SPON1: variants seen among roughly 807,000 people sequenced by gnomAD.
SPON1 encodes the protein spondin 1.
In SPON1, 52 loss-of-function variants were observed where a neutral mutation model predicts 111.7. That is an observed-to-expected ratio of 0.47 (90% CI 0.37 to 0.59). The LOEUF (loss-of-function observed/expected upper bound fraction) is 0.59, where lower values mean the gene tolerates loss of function less well. Among genes scored for constraint, SPON1 ranks in the 20% least tolerant of loss-of-function variants. SPON1 has a pLI of 0.00. For missense variants in SPON1, 957 were observed against 1,068.5 expected, an observed-to-expected ratio of 0.90 and a Z score of 1.46; for synonymous variants, 410 against 395.8, an observed-to-expected ratio of 1.04 and a Z score of -0.43.
chr11:14,094,352 T>C (rs1013154830), intron 5 of SPON1, among the ~76,000 whole-genome samples: 46 of 152,294 alleles, frequency 3.0e-4, no homozygotes, highest in Admixed American at 1.3e-4. Context: ...CTTTTGGCCC[T>C]TGATACATCT....
intron 4 of SPON1, among the ~76,000 whole-genome samples, chr11:14,079,365 T>C (rs1050006308): frequency 1.1e-4 from 17 of 152,244 alleles, no homozygotes; most frequent in African/African-American, 4.1e-4. Context: ...CGTGATTATA[T>C]ATGCATGCCT....
At chr11:14,061,932 A>G (rs1554919916) in intron 3 of SPON1, among the ~76,000 whole-genome samples, 1 of 152,242 alleles carries the variant, frequency 6.6e-6, no homozygotes. Context: ...GCAGGCTTGC[A>G]TGTGGTCTTA....
At chr11:13,983,008 C>T in intron 2 of SPON1, 55 bp downstream of exon 2, 1 of 1,246,798 alleles carries the variant, frequency 8.0e-7, no homozygotes, top group Non-Finnish European at 1.1e-6. Context: ...GAGGTAGAGG[C>T]TGGAGAGGTA....
Position 13,982,946 on chromosome 11 carries a change from C to T in SPON1, c.338C>T (p.Thr113Ile). The T allele has an allele frequency of 6.5e-7, 1 of 1,550,104 alleles. No individual in the cohort carries two copies. The highest frequency in any genetic ancestry group is 8.7e-7 in the Non-Finnish European group (1 of 1,144,424). ...EGDKEEDHAG[T>I]FQIIDEEETQ... is the part of the protein sequence containing the mutation. ...GATAAGGAAGAAGACCATGCTGGGA[C>T]CTTCCAGGTAAGACCCTGCCTGGGC... is the stretch of plus-strand genomic sequence containing the variant. The change falls in exon 2 of 16, where the codon ACC becomes ATC. Residue 113 changes from threonine (T) to isoleucine (I), a missense_variant. Around this residue, in one of 5 missense-constraint regions of SPON1, gnomAD observed 262 missense variants for 253.9 expected, o/e 1.03. Transcript: ENST00000576479.
chr11:14,072,844 C>T (rs1848887562), intron 3 of SPON1, among the ~76,000 whole-genome samples: 3 of 152,070 alleles, frequency 2.0e-5, no homozygotes. Context: ...CATCTTAGTC[C>T]TCTGGGCACA....
At chr11:14,102,769 CA>C (rs1348313397) in intron 5 of SPON1, among the ~76,000 whole-genome samples, 1 of 152,168 alleles carries the variant, frequency 6.6e-6, no homozygotes, top group Admixed American at 6.5e-5. Flanking sequence ...TAATTAGATT[CA>C]GGTTGTGCAT....
chr11:14,005,471 C>T (rs1554912998), intron 2 of SPON1, among the ~76,000 whole-genome samples: 1 of 152,166 alleles, frequency 6.6e-6, no homozygotes, highest in Non-Finnish European at 1.5e-5. Context: ...GTACCATCTG[C>T]GTGATAATGA....
chr11:14,012,939 T>C (rs1848417117), intron 2 of SPON1, among the ~76,000 whole-genome samples: 1 of 152,208 alleles, frequency 6.6e-6, no homozygotes, highest in Non-Finnish European at 1.5e-5. Flanking sequence ...TATTTACATA[T>C]TCTGCCTTAC....
At chr11:14,256,819 T>C (rs1554941273) in intron 10 of SPON1, 127 bp downstream of exon 10, 1 of 713,278 alleles carries the variant, frequency 1.4e-6, no homozygotes, top group Non-Finnish European at 2.4e-6. Context: ...TCTCTGAGGA[T>C]TTCTCCTCAA....
intron 3 of SPON1, among the ~76,000 whole-genome samples, chr11:14,043,620 G>A (rs978779956): frequency 6.6e-5 from 10 of 152,180 alleles, no homozygotes; most frequent in Admixed American, 5.9e-4. Context: ...CACAGAGCCT[G>A]GAGCTCTAAA....
intron 2 of SPON1, among the ~76,000 whole-genome samples, chr11:14,023,061 G>C (rs76793469): frequency 0.011 from 1,686 of 152,268 alleles, 29 homozygotes; most frequent in African/African-American, 0.039. Flanking sequence ...GAGGTGGAGG[G>C]AGCTCTGCTT....
intron 6 of SPON1, among the ~76,000 whole-genome samples, chr11:14,154,895 G>A (rs1564917314): frequency 6.6e-6 from 1 of 152,126 alleles, no homozygotes; most frequent in Non-Finnish European, 1.5e-5. Context: ...AAATTTCTAA[G>A]ATAAAATTTC....
At chr11:14,178,074 A>ACACACACACACACG (rs1380780129) in intron 6 of SPON1, among the ~76,000 whole-genome samples, 9 of 150,938 alleles carry the variant, frequency 6.0e-5, no homozygotes, top group African/African-American at 2.0e-4. Flanking sequence ...ACACACACAC[A>ACACACACACACACG]CGCTTTGGTC....
chr11:14,066,301 G>A (rs1591366099), intron 3 of SPON1, among the ~76,000 whole-genome samples: 1 of 152,162 alleles, frequency 6.6e-6, no homozygotes, highest in South Asian at 2.1e-4. Flanking sequence ...CCAGGCTCAG[G>A]GATTAGACAA....
rs576893827 is a variant in SPON1 at position 14,007,385 on chromosome 11, T to C, written c.345+24432T>C. Among the ~76,000 whole-genome samples, 19 of 152,288 alleles carry C rather than the reference T, an allele frequency of 1.2e-4. No individual in the cohort carries two copies. The East Asian group carries it at 2.3e-3, about 19-fold the overall frequency. ...AGTCCAAGTCCCAAAACTGAAGAAC[T>C]TGGAGTCTGATGTTCAAGGATAGGA... On this transcript the variant is annotated intron_variant, in intron 2 of 15. Coordinates refer to ENST00000576479, the MANE Select transcript of SPON1 (RefSeq NM_006108.4).
At chr11:14,143,552 C>A (rs1218328843) in intron 6 of SPON1, among the ~76,000 whole-genome samples, 1 of 136,806 alleles carries the variant, frequency 7.3e-6, no homozygotes, top group African/African-American at 2.6e-5. Flanking sequence ...CAGAGTCAGA[C>A]CCTGTTTCCA....
At chr11:14,126,136 A>C (rs1252630577) in intron 5 of SPON1, among the ~76,000 whole-genome samples, 13 of 152,210 alleles carry the variant, frequency 8.5e-5, no homozygotes, top group African/African-American at 3.1e-4. Flanking sequence ...TAGGGAGAGC[A>C]GTCTGTTTTA....
chr11:14,116,719 A>T (rs554320892), intron 5 of SPON1, among the ~76,000 whole-genome samples: 1 of 152,252 alleles, frequency 6.6e-6, no homozygotes, highest in South Asian at 2.1e-4. Flanking sequence ...GCATTTCTGC[A>T]TAAATGTTAG....
intron 2 of SPON1, among the ~76,000 whole-genome samples, chr11:14,036,947 A>G (rs1057207492): frequency 1.3e-5 from 2 of 152,132 alleles, no homozygotes; most frequent in Middle Eastern, 3.2e-3. Flanking sequence ...TGGTAGTGCA[A>G]TGTGGCCTGA....
Sources: allele counts gnomAD v4.1 joint callset (sites outside exome capture counted in the v4.1 genomes callset), GRCh38; gene constraint gnomAD v4.1.1; regional missense constraint gnomAD v4.1.1; transcripts MANE v1.5; gene names NCBI Gene and HGNC (gene_info 2026-07-23, HGNC 2026-07-21).